The following SAMD12 variants were observed in gnomAD, a reference collection of about 807,000 sequenced individuals.
The protein encoded by SAMD12 is sterile alpha motif domain-containing protein 12.
Under a neutral mutation model 15.0 loss-of-function variants are expected in SAMD12, and 9 were observed. That is an observed-to-expected ratio of 0.60 (90% confidence interval 0.36 to 1.05). The LOEUF (loss-of-function observed/expected upper bound fraction) is 1.05. SAMD12 is among the 50% of genes least tolerant of loss of function. The probability of loss-of-function intolerance (pLI) is 0.01; values close to 1 mark genes in which losing one functional copy is unlikely to be tolerated. For synonymous variants in SAMD12, 86 were observed against 90.1 expected (o/e 0.96, Z 0.25); for missense variants, 230 against 234.2 (o/e 0.98, Z 0.12).
chr8:118,163,694 T>C, the SAMD12 span, among the ~76,000 whole-genome samples: 1 of 151,832 alleles, frequency 6.6e-6, no homozygotes, highest in Admixed American at 6.6e-5. Context: ...GCTAACACGG[T>C]GAAACCCCGT....
At chr8:118,456,721 A>G (rs1013757619) in intron 2 of SAMD12, among the ~76,000 whole-genome samples, 2 of 152,352 alleles carry the variant, frequency 1.3e-5, no homozygotes, top group East Asian at 1.9e-4. Flanking sequence ...TCATTCATTC[A>G]TTCAAATATA....
chr8:118,373,148 A>C (rs1241089647), downstream of SAMD12, among the ~76,000 whole-genome samples: 2 of 152,166 alleles, frequency 1.3e-5, no homozygotes, highest in Non-Finnish European at 2.9e-5. Context: ...ATTTTACTGT[A>C]TGCAATACAG....
chr8:118,164,975 A>ATG, the SAMD12 span, among the ~76,000 whole-genome samples: 17,127 of 144,106 alleles, frequency 0.12, 1,234 homozygotes, highest in Non-Finnish European at 0.18. Flanking sequence ...CTGACACTAG[A>ATG]TGTGTGTGTG....
intron 4 of SAMD12, among the ~76,000 whole-genome samples, chr8:118,352,874 AC>A (rs1187445467): frequency 6.6e-6 from 1 of 152,178 alleles, no homozygotes; most frequent in African/African-American, 2.4e-5. Flanking sequence ...ATAAAAAGGA[AC>A]TTGGCCATAT....
chr8:118,414,123 G>A (rs538164265), intron 3 of SAMD12, among the ~76,000 whole-genome samples: 1 of 152,268 alleles, frequency 6.6e-6, no homozygotes, highest in Admixed American at 6.5e-5. Flanking sequence ...CCAGGTGTTT[G>A]GTTAACGCAT....
chr8:118,587,025 CAG>C (rs1256711653), intron 1 of SAMD12, among the ~76,000 whole-genome samples: 2 of 152,214 alleles, frequency 1.3e-5, no homozygotes, highest in Non-Finnish European at 2.9e-5. Context: ...ATCTGCAAAG[CAG>C]AGACTATCTT....
intron 2 of SAMD12, among the ~76,000 whole-genome samples, chr8:118,567,754 C>T (rs1166358553): frequency 6.6e-6 from 1 of 152,176 alleles, no homozygotes; most frequent in South Asian, 2.1e-4. Context: ...GTAACATTAT[C>T]AGCAACAAAT....
chr8:118,386,543 A>G (rs930865317), intron 3 of SAMD12, among the ~76,000 whole-genome samples: 1 of 152,156 alleles, frequency 6.6e-6, no homozygotes, highest in East Asian at 1.9e-4. Flanking sequence ...TGTTGGGTGG[A>G]TATTATTCAG....
rs116361515 is a variant in SAMD12, at chr8:118,371,615, C to T, written c.433+7945G>A. Among the ~76,000 whole-genome samples, 895 of 151,912 alleles carry T rather than the reference C, an allele frequency of 5.9e-3. 8 individuals are homozygous for T. Among genetic ancestry groups the T allele is most frequent in the African/African-American group, 0.021 (855 of 41,398 alleles). ...ACCAACACAGGAGGAAGAACAGACTCGGGAGATGGTAGAAAAGATAATGGG... is the reference window on the plus strand; with the variant it reads ...ACCAACACAGGAGGAAGAACAGACTTGGGAGATGGTAGAAAAGATAATGGG... On this transcript the variant is annotated intron_variant, in intron 4 of 4. Transcript: ENST00000409003.
the SAMD12 span, among the ~76,000 whole-genome samples, chr8:118,171,269 T>A: frequency 5.9e-5 from 9 of 152,142 alleles, no homozygotes; most frequent in Non-Finnish European, 1.3e-4. Flanking sequence ...CTCTGAGAGG[T>A]CCTTAAAATG....
At chr8:118,400,217 C>A (rs1261403189) in intron 3 of SAMD12, 1 of 152,178 alleles carries the variant, frequency 6.6e-6, no homozygotes, top group African/African-American at 2.4e-5. Context: ...AAGTGCTCGA[C>A]ACGAATTATC....
At position 118,293,091 on chromosome 8, in the gene SAMD12, C is replaced by A. The variant is rs148285465; in HGVS notation, c.433+86469G>T. Among the ~76,000 whole-genome samples, 1,006 of 147,938 alleles carry A rather than the reference C, an allele frequency of 6.8e-3. 12 individuals carry two copies. The highest frequency in any genetic ancestry group is 0.024 in the African/African-American group (959 of 39,988). Reference sequence around the variant, plus strand: ...CAAACAAAAAAAATCAATAACAAACCTTGCAAATTGGGCATTTTTTTTTTC... The same window carrying A: ...CAAACAAAAAAAATCAATAACAAACATTGCAAATTGGGCATTTTTTTTTTC... On this transcript the variant is annotated intron_variant, in intron 4 of 4. Transcript: ENST00000409003.
intron 3 of SAMD12, among the ~76,000 whole-genome samples, chr8:118,395,178 G>A (rs181227807): frequency 6.6e-6 from 1 of 152,270 alleles, no homozygotes; most frequent in African/African-American, 2.4e-5. Flanking sequence ...CTAGCTACAG[G>A]TGAGTCAGCA....
At chr8:118,154,144 G>GCGCACACACA in the SAMD12 span, among the ~76,000 whole-genome samples, 1 of 149,714 alleles carries the variant, frequency 6.7e-6, no homozygotes, top group Non-Finnish European at 1.5e-5. Context: ...ACACACAAGT[G>GCGCACACACA]CACACACACA....
At chr8:118,163,611 C>A in the SAMD12 span, among the ~76,000 whole-genome samples, 9 of 150,272 alleles carry the variant, frequency 6.0e-5, no homozygotes, top group Admixed American at 4.0e-4. Context: ...TGCGGTGGCT[C>A]ACGCCTGTAA....
the SAMD12 span, among the ~76,000 whole-genome samples, chr8:118,172,108 G>C: frequency 6.6e-6 from 1 of 152,092 alleles, no homozygotes; most frequent in Non-Finnish European, 1.5e-5. Flanking sequence ...CCTGTCGTGG[G>C]GTAGGGGGAG....
chr8:118,187,018 C>G (rs1197560875), downstream of SAMD12, among the ~76,000 whole-genome samples: 1 of 152,162 alleles, frequency 6.6e-6, no homozygotes, highest in African/African-American at 2.4e-5. Context: ...TCTTATTCCC[C>G]TCTTGAACTT....
chr8:118,618,857 C>A (rs1380781179), intron 1 of SAMD12, among the ~76,000 whole-genome samples: 1 of 140,668 alleles, frequency 7.1e-6, no homozygotes, highest in Non-Finnish European at 1.6e-5. Context: ...AAAAAAAAAT[C>A]CTCACAATGT....
chr8:118,417,972 A>C (rs1324016422), intron 3 of SAMD12, among the ~76,000 whole-genome samples: 1 of 152,124 alleles, frequency 6.6e-6, no homozygotes, highest in Non-Finnish European at 1.5e-5. Flanking sequence ...CAGATGTATG[A>C]CCTGATCGAA....
Sources: gnomAD v4.1 joint callset for allele counts (sites outside exome capture counted in the v4.1 genomes callset) on GRCh38, gnomAD v4.1.1 for gene constraint, MANE v1.5 for transcripts, NCBI Gene and HGNC (gene_info 2026-07-23, HGNC 2026-07-21) for gene names.